RAB6A: variants seen among roughly 807,000 people sequenced by gnomAD.
The protein encoded by RAB6A is RAB6A, member RAS oncogene family, also known as ras-related protein Rab-6A.
Under a neutral mutation model 32.3 loss-of-function variants are expected in RAB6A, and 8 were observed. That is an observed-to-expected ratio of 0.25 (90% CI 0.15 to 0.45). RAB6A has a LOEUF of 0.45. Among genes scored for constraint, RAB6A ranks in the 20% least tolerant of loss-of-function variants. RAB6A has a pLI of 1.00. For missense variants in RAB6A, 104 were observed against 249.4 expected (o/e 0.42, Z 3.93); for synonymous variants, 73 against 82.1 (o/e 0.89, Z 0.60).
chr11:73,709,411 G>A lies in RAB6A; in HGVS notation c.402-1898C>T, dbSNP rs187229291. Among the ~76,000 whole-genome samples, 7 of 149,136 alleles carry A rather than the reference G, an allele frequency of 4.7e-5. No individual in the cohort carries two copies. The East Asian group carries it at 1.4e-3, about 29-fold the overall frequency. ...AGTCAGTCTCTGGCATCTTCCAAAGGGGACCAATGAGTTTTCTCCTTAAGT... is the reference window on the plus strand; with the variant it reads ...AGTCAGTCTCTGGCATCTTCCAAAGAGGACCAATGAGTTTTCTCCTTAAGT... On this transcript the variant is annotated intron_variant, in intron 5 of 7. Coordinates refer to ENST00000336083, the MANE Select transcript of RAB6A (RefSeq NM_198896.2).
chr11:73,709,856 T>C (rs1007784980), intron 5 of RAB6A, among the ~76,000 whole-genome samples: 8 of 51,766 alleles, frequency 1.5e-4, no homozygotes, highest in Admixed American at 5.1e-4. Flanking sequence ...TATATACATA[T>C]ATACATATAT....
At chr11:73,679,802 C>T in intron 6 of RAB6A, 82 bp from the exon 7 acceptor site, 2 of 1,564,088 alleles carry the variant, frequency 1.3e-6, no homozygotes, top group East Asian at 2.3e-5. Flanking sequence ...GTACAGTGAG[C>T]TGTCTAATGC....
In RAB6A at chr11:73,718,705, A is replaced by C. The variant is rs2134946879; in HGVS notation, c.197T>G (p.Leu66Ter). ...CCGCTCTTGACCTGCTGTGTCCCAT[A>C]ATTGCAATCGTACCTAACAACAAAA... ...YLEDRTVRLQ[L>*]WDTAGQERFR... The change falls in exon 4 of 8, where the codon TTA (leucine) becomes TGA (stop). Residue 66 changes from leucine (L) to a stop codon, truncating the protein, a stop_gained. Coordinates refer to ENST00000336083, the MANE Select transcript of RAB6A (RefSeq NM_198896.2). LOFTEE classifies it high-confidence loss of function. 6.2e-7 allele frequency: 1 copy of C among 1,614,136 alleles called. No individual in the cohort carries two copies. Among genetic ancestry groups the C allele is most frequent in the East Asian group, 2.2e-5 (1 of 44,884 alleles).
At position 73,701,837 on chromosome 11, in the gene RAB6A, C is replaced by T. The variant is rs1028241638; in HGVS notation, c.495+5583G>A. On this transcript the variant is annotated intron_variant, in intron 6 of 7. Transcript: ENST00000336083. ...GTGTTTTTTTGTAGAGACAGGGTTTCGTCATGTTGCCCAAGCAGGTCTCAA... is the reference window on the plus strand; with the variant it reads ...GTGTTTTTTTGTAGAGACAGGGTTTTGTCATGTTGCCCAAGCAGGTCTCAA... Among the ~76,000 whole-genome samples the T allele has an allele frequency of 3.9e-5, 6 of 152,006 alleles. No homozygotes were observed. In the South Asian group the frequency reaches 6.2e-4, roughly 16 times the overall value.
chr11:73,723,055 G>A (rs964977082), intron 2 of RAB6A, among the ~76,000 whole-genome samples: 4 of 151,716 alleles, frequency 2.6e-5, no homozygotes, highest in South Asian at 2.1e-4. Flanking sequence ...GATTCCCCCC[G>A]ACCTCGGCCT....
chr11:73,735,674 C>A (rs1424266522), intron 1 of RAB6A, among the ~76,000 whole-genome samples: 1 of 152,032 alleles, frequency 6.6e-6, no homozygotes, highest in East Asian at 1.9e-4. Context: ...ATTTATTTTT[C>A]CAATCTTATT....
chr11:73,689,892 T>C (rs909394261), intron 6 of RAB6A, among the ~76,000 whole-genome samples: 1 of 111,096 alleles, frequency 9.0e-6, no homozygotes, highest in Non-Finnish European at 1.7e-5. Context: ...TGAGACTCCG[T>C]CTCAAAAAAA....
chr11:73,714,042 A>G (rs1391105524), intron 5 of RAB6A, among the ~76,000 whole-genome samples: 4 of 151,502 alleles, frequency 2.6e-5, no homozygotes, highest in African/African-American at 9.7e-5. Context: ...AAATACAAAA[A>G]TTAGCCAGAT....
chr11:73,750,897 G>T (rs1256364812), intron 1 of RAB6A, among the ~76,000 whole-genome samples: 1 of 152,004 alleles, frequency 6.6e-6, no homozygotes, highest in African/African-American at 2.4e-5. Flanking sequence ...ACTCACAGTA[G>T]CCTCAACCTC....
At chr11:73,729,460 A>G (rs1184134036) in intron 2 of RAB6A, 2 of 151,944 alleles carry the variant, frequency 1.3e-5, no homozygotes, top group Non-Finnish European at 2.9e-5. Context: ...TCAGAACTTG[A>G]GTCTTCTTTT....
At chr11:73,729,302 T>C (rs542293931) in intron 2 of RAB6A, among the ~76,000 whole-genome samples, 22 of 152,168 alleles carry the variant, frequency 1.4e-4, no homozygotes, top group Non-Finnish European at 3.1e-4. Flanking sequence ...TTTTGCCATA[T>C]TGGCCAAGCT....
intron 1 of RAB6A, among the ~76,000 whole-genome samples, chr11:73,734,193 T>C (rs184244326): frequency 3.3e-5 from 5 of 152,290 alleles, no homozygotes; most frequent in African/African-American, 9.6e-5. Context: ...TGACACGATA[T>C]CAGCTCACTG....
intron 5 of RAB6A, among the ~76,000 whole-genome samples, chr11:73,715,816 C>G (rs370297990): frequency 4.1e-4 from 63 of 152,158 alleles, no homozygotes; most frequent in Middle Eastern, 3.4e-3. Flanking sequence ...AAACCAACAA[C>G]CAAAAAACAA....
intron 6 of RAB6A, among the ~76,000 whole-genome samples, chr11:73,691,023 G>A (rs770540956): frequency 2.0e-5 from 3 of 151,642 alleles, no homozygotes; most frequent in Middle Eastern, 3.4e-3. Context: ...TTTTTCGGGG[G>A]TGGGGGGGCG....
chr11:73,741,554 A>G (rs539842659), intron 1 of RAB6A, among the ~76,000 whole-genome samples: 5 of 152,296 alleles, frequency 3.3e-5, no homozygotes, highest in African/African-American at 9.6e-5. Flanking sequence ...ACGTACATGT[A>G]TGTTTACAGC....
intron 1 of RAB6A, among the ~76,000 whole-genome samples, chr11:73,732,025 CACTGTGTCTGG>C (rs918674274): frequency 2.6e-5 from 4 of 151,408 alleles, no homozygotes; most frequent in Admixed American, 2.6e-4. Flanking sequence ...AGGCGTGCAC[CACTGTGTCTGG>C]ACTGTATTGA....
chr11:73,724,400 T>C (rs1946185411), intron 2 of RAB6A, among the ~76,000 whole-genome samples: 1 of 152,020 alleles, frequency 6.6e-6, no homozygotes, highest in African/African-American at 2.4e-5. Context: ...TAGCAAATTG[T>C]GACTTACAAA....
chr11:73,685,885 C>CAAAAAAAAAAAAAAAA lies in RAB6A; in HGVS notation c.496-6181_496-6166dup, dbSNP rs56270679. ...AGGCAACAAGAGTGAAACTCCGTCTCAAAAAAAAAAAAAAAAAAAAAAAGC... is the reference window on the plus strand; with the variant it reads ...AGGCAACAAGAGTGAAACTCCGTCTCAAAAAAAAAAAAAAAAAAAAAAAAAAAAAAAAAAAAAAAGC... On this transcript the variant is annotated intron_variant, in intron 6 of 7. Transcript: ENST00000336083. 1.7e-4 allele frequency among the ~76,000 whole-genome samples: 18 copies of CAAAAAAAAAAAAAAAA among 103,028 alleles called. 1 individual carries two copies. Among genetic ancestry groups the CAAAAAAAAAAAAAAAA allele is most frequent in the Middle Eastern group, 5.1e-3 (1 of 198 alleles). The allele number at this position is 103,028 out of a possible 152,430, so 67.6% of individuals were successfully genotyped here.
At chr11:73,692,270 C>T (rs1321192585) in intron 6 of RAB6A, among the ~76,000 whole-genome samples, 1 of 148,312 alleles carries the variant, frequency 6.7e-6, no homozygotes. Flanking sequence ...TTTGGGAGGC[C>T]GAGGTGGGCG....
Sources: allele counts gnomAD v4.1 joint callset (sites outside exome capture counted in the v4.1 genomes callset), GRCh38; gene constraint gnomAD v4.1.1; transcripts MANE v1.5; gene names NCBI Gene and HGNC (gene_info 2026-07-23, HGNC 2026-07-21).